The following CCDC158 variants were observed in gnomAD, a reference collection of about 807,000 sequenced individuals.
CCDC158 encodes coiled-coil domain-containing protein 158.
A neutral mutation model predicts 138.6 loss-of-function variants in CCDC158; 116 were observed. That is an observed-to-expected ratio of 0.84 (90% CI 0.72 to 0.98). CCDC158 has a LOEUF of 0.98. CCDC158 is among the 50% of genes least tolerant of loss of function. The probability of loss-of-function intolerance (pLI) is 0.00; values close to 1 mark genes in which losing one functional copy is unlikely to be tolerated. For synonymous variants in CCDC158, 436 were observed against 442.4 expected, an observed-to-expected ratio of 0.99 and a Z score of 0.18; for missense variants, 1,265 against 1,306.1, an observed-to-expected ratio of 0.97 and a Z score of 0.48.
intron 4 of CCDC158, among the ~76,000 whole-genome samples, chr4:76,394,683 AT>A (rs1416946365): frequency 6.6e-6 from 1 of 152,080 alleles, no homozygotes; most frequent in Non-Finnish European, 1.5e-5. Flanking sequence ...TGGAAACCCA[AT>A]TTTTCATTAT....
At chr4:76,346,870 G>A (rs556009842) in intron 18 of CCDC158, among the ~76,000 whole-genome samples, 2 of 152,140 alleles carry the variant, frequency 1.3e-5, no homozygotes, top group African/African-American at 4.8e-5. Context: ...GTGGGTGAAG[G>A]ATATGAACAG....
chr4:76,382,809 C>T (rs1726399105), intron 7 of CCDC158, 89 bp from the exon 8 acceptor site: 1 of 853,818 alleles, frequency 1.2e-6, no homozygotes, highest in East Asian at 2.7e-5. Flanking sequence ...TCAATACTCT[C>T]AAATTTAGTA....
intron 18 of CCDC158, among the ~76,000 whole-genome samples, chr4:76,349,946 T>A (rs1031051331): frequency 1.3e-4 from 20 of 152,192 alleles, no homozygotes; most frequent in Admixed American, 1.2e-3. Flanking sequence ...TCGCCCAAGG[T>A]CACACAAAGA....
At chr4:76,370,164 T>G (rs2110250305) in intron 10 of CCDC158, among the ~76,000 whole-genome samples, 1 of 152,100 alleles carries the variant, frequency 6.6e-6, no homozygotes, top group East Asian at 1.9e-4. Context: ...AAAACAAAGA[T>G]ATATCTACAC....
chr4:76,329,096 C>T (rs544453571), intron 21 of CCDC158, 129 bp from the exon 22 acceptor site: 2 of 694,460 alleles, frequency 2.9e-6, no homozygotes, highest in African/African-American at 1.8e-5. Flanking sequence ...GCAATCATAA[C>T]CCTAAAGTCC....
chr4:76,358,028 T>C (rs559241863), intron 13 of CCDC158, among the ~76,000 whole-genome samples: 1 of 152,216 alleles, frequency 6.6e-6, no homozygotes, highest in African/African-American at 2.4e-5. Flanking sequence ...TTTATATGTA[T>C]CTATTTATAT....
chr4:76,357,515 C>T lies in CCDC158; in HGVS notation c.2032G>A (p.Val678Ile), dbSNP rs749803167. Residue 678 changes from valine to isoleucine, a missense_variant, in exon 14 of 25, where the codon GTC becomes ATC. Transcript: ENST00000682701. ...ELNNLSEEYE[V>I]LKRNFRNKSE... Reference sequence around the variant, plus strand: ...TTGTTTCGGAAATTCCTTTTTAAGACTTCATACTCCTCTATACAATGTGAT... The same window carrying T: ...TTGTTTCGGAAATTCCTTTTTAAGATTTCATACTCCTCTATACAATGTGAT... 1.4e-5 allele frequency: 22 copies of T among 1,581,846 alleles called. No homozygotes were observed. In the African/African-American group the frequency reaches 1.9e-4, roughly 14 times the overall value.
chr4:76,380,268 C>T (rs531626659), intron 8 of CCDC158, among the ~76,000 whole-genome samples: 2 of 152,240 alleles, frequency 1.3e-5, no homozygotes, highest in East Asian at 3.9e-4. Context: ...AAGTCTGGAA[C>T]TTCCTAGAGA....
At chr4:76,315,186 G>A (rs1334483967) in intron 24 of CCDC158, among the ~76,000 whole-genome samples, 1 of 152,102 alleles carries the variant, frequency 6.6e-6, no homozygotes, top group African/African-American at 2.4e-5. Flanking sequence ...AACAGAGGCA[G>A]CCAAAATCAC....
At chr4:76,364,660 G>A (rs1294199620) in intron 12 of CCDC158, among the ~76,000 whole-genome samples, 1 of 152,162 alleles carries the variant, frequency 6.6e-6, no homozygotes, top group African/African-American at 2.4e-5. Flanking sequence ...CTGGTGGACA[G>A]AACTGACCTA....
At position 76,326,027 on chromosome 4, in the gene CCDC158, C is replaced by G. The variant is rs1452814736; in HGVS notation, c.3011-12G>C. 1 of 1,601,492 alleles carries G rather than the reference C, an allele frequency of 6.2e-7. No individual in the cohort carries two copies. The highest frequency in any genetic ancestry group is 8.5e-7 in the Non-Finnish European group (1 of 1,174,924). On this transcript the variant is annotated splice_polypyrimidine_tract_variant and intron_variant, in intron 22 of 24. Coordinates refer to ENST00000682701, the MANE Select transcript of CCDC158 (RefSeq NM_001394954.1). Reference sequence around the variant, plus strand: ...CACAGATGGACTTGCTAAAAGTTTGCAAGAATAAAAGTAAAAGGACAGAAT... The same window carrying G: ...CACAGATGGACTTGCTAAAAGTTTGGAAGAATAAAAGTAAAAGGACAGAAT...
intron 11 of CCDC158, among the ~76,000 whole-genome samples, chr4:76,369,004 A>G (rs577949159): frequency 6.6e-6 from 1 of 152,148 alleles, no homozygotes; most frequent in East Asian, 1.9e-4. Context: ...TCATGAGGTC[A>G]TGAGATCGAG....
rs1294763209 is a variant in CCDC158, at chr4:76,384,639, C to G, written c.315G>C (p.Lys105Asn). Residue 105 changes from lysine (K) to asparagine (N), a missense_variant, in exon 5 of 25, where the codon AAG (lysine) becomes AAC (asparagine). Coordinates refer to ENST00000682701, the MANE Select transcript of CCDC158 (RefSeq NM_001394954.1). Reference protein sequence around the residue: ...NESNELHEKQKFYLRQSVIDL... With the variant: ...NESNELHEKQNFYLRQSVIDL... ...CAATGACTGACTGCCTCAAATAAAA[C>G]TTTTGTTTCTCATGCAATTCATTGC... 6.2e-7 allele frequency: 1 copy of G among 1,612,898 alleles called. No individual in the cohort carries two copies. The highest frequency in any genetic ancestry group is 8.5e-7 in the Non-Finnish European group (1 of 1,179,644).
In CCDC158 at chr4:76,370,636, G is replaced by A. The variant is rs74904740; in HGVS notation, c.1149+781C>T. The stretch of plus-strand genomic sequence containing the variant: ...CAATGAGTAATGAGGGGTTGAACGA[G>A]AGGTGGTGATGGTAAGAATGAAAAG... On this transcript the variant is annotated intron_variant, in intron 10 of 24. Coordinates refer to ENST00000682701, the MANE Select transcript of CCDC158 (RefSeq NM_001394954.1). 7.1e-3 allele frequency among the ~76,000 whole-genome samples: 1,081 copies of A among 152,296 alleles called. 12 individuals carry two copies. Among genetic ancestry groups the A allele is most frequent in the African/African-American group, 0.025 (1,020 of 41,546 alleles).
chr4:76,375,330 T>A, intron 9 of CCDC158: 1 of 415,422 alleles, frequency 2.4e-6, no homozygotes, highest in Non-Finnish European at 4.2e-6. Context: ...TTGCCAATCA[T>A]ATCAAATCAC....
Position 76,384,407 on chromosome 4 carries a change from T to C in CCDC158, c.407A>G (p.Glu136Gly). ...RDAMADIRRR[E>G]SQSQEDLRNQ... ...TCTTAAATCCTCCTGGGACTGACTC[T>C]CCCTTCGTCTATGAAATAAATGAAA... The change falls in exon 6 of 25, where the codon GAG (glutamate) becomes GGG (glycine). Residue 136 changes from glutamate to glycine, a missense_variant. Transcript: ENST00000682701. The C allele has an allele frequency of 6.2e-7, 1 of 1,606,206 alleles. No individual in the cohort carries two copies. Among genetic ancestry groups the C allele is most frequent in the Non-Finnish European group, 8.5e-7 (1 of 1,175,510 alleles).
At chr4:76,315,746 G>A (rs1719320113) in intron 24 of CCDC158, among the ~76,000 whole-genome samples, 1 of 152,194 alleles carries the variant, frequency 6.6e-6, no homozygotes, top group South Asian at 2.1e-4. Flanking sequence ...ACCAGAGGAG[G>A]TGCTGGTATC....
At chr4:76,354,450 T>C (rs1482550455) in intron 15 of CCDC158, among the ~76,000 whole-genome samples, 1 of 152,206 alleles carries the variant, frequency 6.6e-6, no homozygotes, top group East Asian at 1.9e-4. Context: ...GTTGCACTTA[T>C]TTTCTACTTG....
chr4:76,314,809 G>A lies in CCDC158; in HGVS notation c.3278-1563C>T, dbSNP rs563077607. Among the ~76,000 whole-genome samples the A allele has an allele frequency of 2.0e-5, 3 of 152,322 alleles. No individual in the cohort carries two copies. The South Asian group carries it at 6.2e-4, about 32-fold the overall frequency. On this transcript the variant is annotated intron_variant, in intron 24 of 24. Transcript: ENST00000682701. Reference sequence around the variant, plus strand: ...GAAAGGTGGCTGGCAGAATTTGGGAGTGGTCACAGGGTGAAAGAAGCTTCC... The same window carrying A: ...GAAAGGTGGCTGGCAGAATTTGGGAATGGTCACAGGGTGAAAGAAGCTTCC...
Sources: allele counts gnomAD v4.1 joint callset (sites outside exome capture counted in the v4.1 genomes callset), GRCh38; gene constraint gnomAD v4.1.1; transcripts MANE v1.5; gene names NCBI Gene and HGNC (gene_info 2026-07-23, HGNC 2026-07-21).